HHAT: variants seen among roughly 807,000 people sequenced by gnomAD.
HHAT encodes the protein protein-cysteine N-palmitoyltransferase HHAT.
HHAT carries 47 observed loss-of-function variants against 70.8 expected under a neutral mutation model. The ratio of observed to expected loss-of-function variants is 0.66; its 90% CI spans 0.53 to 0.85. The LOEUF (loss-of-function observed/expected upper bound fraction) is 0.85. Ranked by LOEUF, HHAT falls within the 40% of genes least tolerant of loss-of-function variation. The pLI is 0.00. For missense variants in HHAT, 609 were observed against 604.8 expected (o/e 1.01, Z -0.07); for synonymous variants, 228 against 247.6 (o/e 0.92, Z 0.74).
chr1:210,474,064 ACACTCCAT>A, intron 8 of HHAT, among the ~76,000 whole-genome samples: 1 of 152,128 alleles, frequency 6.6e-6, no homozygotes, highest in Non-Finnish European at 1.5e-5. Context: ...TTCATCTTCT[ACACTCCAT>A]CTAAAATTTA....
chr1:210,490,516 C>A (rs2094534947), intron 8 of HHAT, among the ~76,000 whole-genome samples: 1 of 152,276 alleles, frequency 6.6e-6, no homozygotes, highest in Non-Finnish European at 1.5e-5. Context: ...AAAAATCAAA[C>A]CTAAACATTT....
intron 8 of HHAT, among the ~76,000 whole-genome samples, chr1:210,502,543 C>T (rs1034576781): frequency 1.3e-5 from 2 of 151,906 alleles, no homozygotes; most frequent in Non-Finnish European, 2.9e-5. Context: ...CCTTATTGGC[C>T]GCATAATTGT....
At chr1:210,577,748 G>A (rs1658228066) in intron 9 of HHAT, among the ~76,000 whole-genome samples, 1 of 141,524 alleles carries the variant, frequency 7.1e-6, no homozygotes, top group African/African-American at 2.6e-5. Flanking sequence ...CTGAGTTCAA[G>A]CAATTCTCCT....
intron 11 of HHAT, among the ~76,000 whole-genome samples, chr1:210,669,463 C>T (rs918435771): frequency 1.3e-5 from 2 of 152,206 alleles, no homozygotes; most frequent in African/African-American, 4.8e-5. Context: ...TTAACTCTAC[C>T]TATTATGCCA....
intron 9 of HHAT, among the ~76,000 whole-genome samples, chr1:210,565,478 A>G (rs1040302946): frequency 2.6e-5 from 4 of 152,226 alleles, no homozygotes; most frequent in African/African-American, 4.8e-5. Context: ...TAGGAAAACA[A>G]TGTGGCATTC....
intron 3 of HHAT, chr1:210,374,197 G>C (rs374876885): frequency 1.3e-5 from 2 of 152,126 alleles, no homozygotes; most frequent in Non-Finnish European, 2.9e-5. Context: ...GCTTATAACT[G>C]ATTTGTTTCT....
At chr1:210,480,238 A>G (rs968518460) in intron 8 of HHAT, among the ~76,000 whole-genome samples, 2 of 152,178 alleles carry the variant, frequency 1.3e-5, no homozygotes, top group Non-Finnish European at 2.9e-5. Context: ...GTGAATCAGG[A>G]TTGAGAGAGA....
At chr1:210,660,591 G>A (rs1677467872) in intron 11 of HHAT, among the ~76,000 whole-genome samples, 1 of 152,114 alleles carries the variant, frequency 6.6e-6, no homozygotes. Flanking sequence ...AACCAAAAAA[G>A]AACCCTCATT....
intron 11 of HHAT, among the ~76,000 whole-genome samples, chr1:210,636,831 T>C (rs1671955437): frequency 1.3e-5 from 2 of 152,176 alleles, no homozygotes; most frequent in African/African-American, 2.4e-5. Context: ...AAATGCCTTA[T>C]TAGTGAATTC....
chr1:210,516,999 G>A (rs570412498), intron 9 of HHAT, among the ~76,000 whole-genome samples: 2 of 152,280 alleles, frequency 1.3e-5, no homozygotes, highest in South Asian at 4.1e-4. Context: ...GATGACTGTG[G>A]GAAAATTCAG....
intron 10 of HHAT, among the ~76,000 whole-genome samples, chr1:210,605,961 A>G (rs1173552714): frequency 7.1e-6 from 1 of 141,458 alleles, no homozygotes; most frequent in Non-Finnish European, 1.6e-5. Context: ...GGTTCAAGCG[A>G]TTCTCCTGCC....
chr1:210,416,085 C>T (rs1207980619), intron 6 of HHAT, among the ~76,000 whole-genome samples: 2 of 152,176 alleles, frequency 1.3e-5, no homozygotes, highest in Non-Finnish European at 2.9e-5. Flanking sequence ...AATTTCTTAG[C>T]CTGGCTTCTT....
chr1:210,331,729 C>T (rs368848023), intron 1 of HHAT, among the ~76,000 whole-genome samples: 2 of 152,342 alleles, frequency 1.3e-5, no homozygotes, highest in African/African-American at 4.8e-5. Flanking sequence ...TCCCAGTGTT[C>T]ACTTGTCGCC....
intron 7 of HHAT, chr1:210,463,069 T>C (rs1447588404): frequency 2.0e-5 from 3 of 152,108 alleles, no homozygotes; most frequent in African/African-American, 7.2e-5. Flanking sequence ...GTGGCCTTCT[T>C]GTGGGCACTG....
intron 4 of HHAT, among the ~76,000 whole-genome samples, chr1:210,400,115 T>C (rs73071983): frequency 0.055 from 8,403 of 152,238 alleles, 273 homozygotes; most frequent in South Asian, 0.084. Context: ...GTTGGCATTT[T>C]TCCAGCTGTC....
At chr1:210,565,689 C>T (rs944749019) in intron 9 of HHAT, among the ~76,000 whole-genome samples, 4 of 152,050 alleles carry the variant, frequency 2.6e-5, no homozygotes, top group Non-Finnish European at 4.4e-5. Context: ...ACCCAAAAGC[C>T]CTCATCAGCT....
chr1:210,628,606 G>C (rs1269737516), intron 11 of HHAT, among the ~76,000 whole-genome samples: 1 of 152,178 alleles, frequency 6.6e-6, no homozygotes, highest in African/African-American at 2.4e-5. Flanking sequence ...AGGAGAATTT[G>C]GTTCTTTTTC....
intron 4 of HHAT, among the ~76,000 whole-genome samples, chr1:210,391,603 G>T (rs1054398366): frequency 6.6e-6 from 1 of 152,152 alleles, no homozygotes; most frequent in African/African-American, 2.4e-5. Flanking sequence ...AGAGGAATTT[G>T]TAGAAAAGGA....
At chr1:210,416,332 C>A (rs2092720750) in intron 6 of HHAT, among the ~76,000 whole-genome samples, 1 of 152,188 alleles carries the variant, frequency 6.6e-6, no homozygotes, top group African/African-American at 2.4e-5. Flanking sequence ...AAGCTCATTT[C>A]CTCTACCGGC....
Sources: allele counts gnomAD v4.1 joint callset (sites outside exome capture counted in the v4.1 genomes callset), GRCh38; gene constraint gnomAD v4.1.1; transcripts MANE v1.5; gene names NCBI Gene and HGNC (gene_info 2026-07-23, HGNC 2026-07-21).